The following PKIG variants were observed in gnomAD, a reference collection of about 807,000 sequenced individuals.
PKIG encodes cAMP-dependent protein kinase inhibitor gamma, also known as protein kinase (cAMP-dependent, catalytic) inhibitor gamma.
PKIG carries 1 observed loss-of-function variant against 6.8 expected under a neutral mutation model. The ratio of observed to expected loss-of-function variants is 0.15; its 90% CI spans 0.05 to 0.69. PKIG has a LOEUF of 0.69. PKIG is among the 30% of genes least tolerant of loss of function. The pLI is 0.82. For synonymous variants in PKIG, 39 were observed against 43.0 expected, an observed-to-expected ratio of 0.91 and a Z score of 0.36; for missense variants, 77 against 104.0, an observed-to-expected ratio of 0.74 and a Z score of 1.13.
intron 1 of PKIG, among the ~76,000 whole-genome samples, chr20:44,561,054 T>G (rs2064762716): frequency 6.6e-6 from 1 of 152,196 alleles, no homozygotes; most frequent in Admixed American, 6.5e-5. Flanking sequence ...AACGTCACAA[T>G]GGGCCGGGTG....
rs375133605 is a variant in PKIG, at chr20:44,562,587, G to A, written c.-240-19998G>A. 5.5e-5 allele frequency among the ~76,000 whole-genome samples: 7 copies of A among 126,760 alleles called. No individual in the cohort carries two copies. In the East Asian group the frequency reaches 7.1e-4, roughly 13 times the overall value. The allele number at this position is 126,760 out of a possible 152,430, so 83.2% of individuals were successfully genotyped here. A position where few individuals can be genotyped will look rare whatever the true frequency, so the allele number is the denominator to read the frequency against. On this transcript the variant is annotated intron_variant, in intron 1 of 4. Coordinates refer to the PKIG transcript ENST00000372887. ...ACTGCACTCCAGCCTAGGGGACACA[G>A]TGAGACCCTGTCTCAAAAAAAAAAA...
Position 44,534,794 on chromosome 20 carries a change from G to A in PKIG, c.-241+2816G>A, listed in dbSNP as rs143980059. ...TCATGCACCGTTCTTAATGAATAAT[G>A]TGATGTTTACAACAACCCTGTGAGA... On this transcript the variant is annotated intron_variant, in intron 1 of 4. Coordinates refer to the PKIG transcript ENST00000372887. Among the ~76,000 whole-genome samples the A allele has an allele frequency of 2.3e-3, 355 of 152,190 alleles. 3 individuals carry two copies. Among genetic ancestry groups the A allele is most frequent in the African/African-American group, 8.3e-3 (344 of 41,534 alleles).
At chr20:44,576,446 T>G (rs2064899082) in intron 1 of PKIG, among the ~76,000 whole-genome samples, 1 of 151,994 alleles carries the variant, frequency 6.6e-6, no homozygotes, top group South Asian at 2.1e-4. Flanking sequence ...CCTAGGGAAG[T>G]GATATTTAAT....
chr20:44,592,438 C>T (rs895619638), intron 2 of PKIG, among the ~76,000 whole-genome samples: 2 of 152,276 alleles, frequency 1.3e-5, no homozygotes, highest in Non-Finnish European at 1.5e-5. Flanking sequence ...AATCCTGGGG[C>T]CAACATGCCC....
Position 44,561,292 on chromosome 20 carries a change from G to A in PKIG, c.-240-21293G>A, listed in dbSNP as rs549680865. Among the ~76,000 whole-genome samples, 14 of 152,114 alleles carry A rather than the reference G, an allele frequency of 9.2e-5. No homozygotes were observed. The Middle Eastern group carries it at 0.01, about 112-fold the overall frequency. On this transcript the variant is annotated intron_variant, in intron 1 of 4. Coordinates refer to the PKIG transcript ENST00000372887. Reference sequence around the variant, plus strand: ...GCAGAAGTTGCAGTGAGCCGAGATCGCACCAGTGTATTCCAGCCTGGGTGA... The same window carrying A: ...GCAGAAGTTGCAGTGAGCCGAGATCACACCAGTGTATTCCAGCCTGGGTGA...
chr20:44,533,580 T>C (rs972911084), intron 1 of PKIG, among the ~76,000 whole-genome samples: 4 of 152,146 alleles, frequency 2.6e-5, no homozygotes, highest in Non-Finnish European at 4.4e-5. Flanking sequence ...ATCGTGGGGA[T>C]GTTCCAAACA....
intron 1 of PKIG, among the ~76,000 whole-genome samples, chr20:44,537,814 G>C (rs1258142284): frequency 2.0e-5 from 3 of 147,834 alleles, no homozygotes; most frequent in African/African-American, 7.5e-5. Context: ...TCAAACTCCT[G>C]AACTCAGATG....
At chr20:44,608,680 GTCCCAGCTAC>G (rs1027559692) in intron 2 of PKIG, among the ~76,000 whole-genome samples, 6 of 151,784 alleles carry the variant, frequency 4.0e-5, no homozygotes, top group African/African-American at 1.5e-4. Flanking sequence ...ACATGGAATA[GTCCCAGCTAC>G]TCAGGAGGCT....
intron 1 of PKIG, among the ~76,000 whole-genome samples, chr20:44,577,057 C>T (rs1421006063): frequency 1.3e-5 from 2 of 151,964 alleles, no homozygotes; most frequent in Non-Finnish European, 2.9e-5. Flanking sequence ...GGTTTGATTC[C>T]CCATCCCCCA....
intron 1 of PKIG, among the ~76,000 whole-genome samples, chr20:44,551,298 C>A (rs1290518388): frequency 6.6e-6 from 1 of 152,194 alleles, no homozygotes; most frequent in African/African-American, 2.4e-5. Flanking sequence ...TTGTGATCTG[C>A]CCACCTCGGC....
chr20:44,533,572 C>T (rs1032353340), intron 1 of PKIG, among the ~76,000 whole-genome samples: 2 of 151,948 alleles, frequency 1.3e-5, no homozygotes, highest in African/African-American at 2.4e-5. Context: ...AGTTAGCTAT[C>T]GTGGGGATGT....
At chr20:44,608,620 C>G (rs2065187581) in intron 2 of PKIG, among the ~76,000 whole-genome samples, 1 of 151,756 alleles carries the variant, frequency 6.6e-6, no homozygotes, top group Non-Finnish European at 1.5e-5. Context: ...AGTTTGAGAC[C>G]ACCTTGGTTA....
At chr20:44,575,857 T>G (rs2064892286) in intron 1 of PKIG, among the ~76,000 whole-genome samples, 1 of 152,134 alleles carries the variant, frequency 6.6e-6, no homozygotes, top group Non-Finnish European at 1.5e-5. Flanking sequence ...GATCCCTTAA[T>G]TTTTTGGCCC....
chr20:44,565,321 A>G (rs999843364), intron 1 of PKIG, among the ~76,000 whole-genome samples: 1 of 152,244 alleles, frequency 6.6e-6, no homozygotes, highest in Non-Finnish European at 1.5e-5. Flanking sequence ...CAGTGCTGTG[A>G]ACTATAATAG....
Position 44,618,272 on chromosome 20 carries a change from C to T in PKIG, c.152-13C>T. 1.3e-6 allele frequency: 2 copies of T among 1,593,062 alleles called. No homozygotes were observed. Among genetic ancestry groups the T allele is most frequent in the Non-Finnish European group, 1.7e-6 (2 of 1,160,942 alleles). ...ATATGTGCCCAAGAAAAACCTCTTT[C>T]TCTCCTCTCCAGAAGGACAGGTGGA... On this transcript the variant is annotated splice_polypyrimidine_tract_variant and intron_variant, in intron 3 of 3. Coordinates refer to ENST00000372886, the MANE Select transcript of PKIG (RefSeq NM_001281445.2).
Position 44,614,154 on chromosome 20 carries a change from T to C in PKIG, c.-23-380T>C, listed in dbSNP as rs2065243130. ...AGCCTTGAGCACCAAGGCCATGACTTAGGTACGAGGTGACTTTATGCCACC... is the reference window on the plus strand; with the variant it reads ...AGCCTTGAGCACCAAGGCCATGACTCAGGTACGAGGTGACTTTATGCCACC... On this transcript the variant is annotated intron_variant, in intron 2 of 3. Coordinates refer to ENST00000372886, the MANE Select transcript of PKIG (RefSeq NM_001281445.2). This position sits in a 1 kb window ranked among gnomAD's most constrained non-coding sequence, Gnocchi z 4.6. 6.6e-6 allele frequency among the ~76,000 whole-genome samples: 1 copy of C among 152,132 alleles called. No individual in the cohort carries two copies. The highest frequency in any genetic ancestry group is 2.4e-5 in the African/African-American group (1 of 41,418).
At chr20:44,537,102 GTAT>G (rs2064519135) in intron 1 of PKIG, among the ~76,000 whole-genome samples, 1 of 150,964 alleles carries the variant, frequency 6.6e-6, no homozygotes, top group South Asian at 2.1e-4. Flanking sequence ...GCTAATTTTT[GTAT>G]TATTATTATT....
chr20:44,610,173 T>G (rs2065201620), intron 2 of PKIG, among the ~76,000 whole-genome samples: 1 of 152,198 alleles, frequency 6.6e-6, no homozygotes, highest in Admixed American at 6.5e-5. Flanking sequence ...CGCCATCTGC[T>G]GTAGCCGGGG....
chr20:44,588,368 G>A (rs970485072), intron 1 of PKIG, among the ~76,000 whole-genome samples: 3 of 152,204 alleles, frequency 2.0e-5, no homozygotes, highest in Non-Finnish European at 4.4e-5. Flanking sequence ...AGGGCTGGGC[G>A]CGGTGGCTCA....
Sources: gnomAD v4.1 joint callset for allele counts (sites outside exome capture counted in the v4.1 genomes callset) on GRCh38, gnomAD v4.1.1 for gene constraint, Gnocchi (gnomAD v3.1) non-coding constraint, MANE v1.5 for transcripts, NCBI Gene and HGNC (gene_info 2026-07-23, HGNC 2026-07-21) for gene names.